Variants in CPXM2 observed in about 807,000 individuals in gnomAD.
CPXM2 encodes carboxypeptidase X, M14 family member 2, also known as inactive carboxypeptidase-like protein X2.
In CPXM2, 66 loss-of-function variants were observed where a neutral mutation model predicts 86.1. The observed-to-expected ratio is 0.77, with a 90% CI of 0.63 to 0.94. CPXM2 has a LOEUF of 0.94. Among genes scored for constraint, CPXM2 ranks in the 40% least tolerant of loss-of-function variants. The probability of loss-of-function intolerance (pLI) is 0.00; values close to 1 mark genes in which losing one functional copy is unlikely to be tolerated. For missense variants in CPXM2, 948 were observed against 1,026.3 expected (o/e 0.92, Z 1.04); for synonymous variants, 388 against 400.2 (o/e 0.97, Z 0.36).
chr10:123,905,745 C>A (rs956775374), intron 2 of CPXM2, among the ~76,000 whole-genome samples: 2 of 152,150 alleles, frequency 1.3e-5, no homozygotes, highest in Admixed American at 6.5e-5. Flanking sequence ...CCCCTCCCAG[C>A]CCTCTTGCCT....
upstream of CPXM2, among the ~76,000 whole-genome samples, chr10:123,894,365 C>G (rs868751891): frequency 6.6e-6 from 1 of 152,228 alleles, no homozygotes; most frequent in Non-Finnish European, 1.5e-5. Context: ...TATTACTGCT[C>G]TCCCTATCAA....
chr10:123,895,076 C>T (rs889347657), upstream of CPXM2, among the ~76,000 whole-genome samples: 3 of 151,346 alleles, frequency 2.0e-5, no homozygotes, highest in African/African-American at 7.3e-5. Flanking sequence ...CCACTTGCCA[C>T]TGGGCAACAA....
chr10:123,866,748 A>G (rs1446936355), intron 2 of CPXM2, among the ~76,000 whole-genome samples: 1 of 152,202 alleles, frequency 6.6e-6, no homozygotes, highest in African/African-American at 2.4e-5. Flanking sequence ...TGTCTGCTGC[A>G]AAAGAATCTC....
At chr10:123,789,677 G>A (rs1237075466) in intron 6 of CPXM2, among the ~76,000 whole-genome samples, 1 of 152,202 alleles carries the variant, frequency 6.6e-6, no homozygotes, top group Non-Finnish European at 1.5e-5. Context: ...GGTGCAATGT[G>A]CAGATGGAGC....
At chr10:123,942,427 G>C (rs554570133), upstream of CPXM2, among the ~76,000 whole-genome samples, 1 of 152,296 alleles carries the variant, frequency 6.6e-6, no homozygotes, top group South Asian at 2.1e-4. Context: ...TGGTAAAGAA[G>C]CCAACGAAAA....
intron 13 of CPXM2, chr10:123,751,483 C>A (rs1477593251): frequency 1.0e-6 from 1 of 984,162 alleles, no homozygotes; most frequent in Non-Finnish European, 1.2e-6. Flanking sequence ...GCCACCCTGA[C>A]ACATCTCCTA....
chr10:123,873,536 T>C (rs986737684), intron 2 of CPXM2, among the ~76,000 whole-genome samples: 14 of 152,336 alleles, frequency 9.2e-5, no homozygotes, highest in Admixed American at 7.8e-4. Flanking sequence ...TGTGTGCGTG[T>C]GTGTTTACAA....
upstream of CPXM2, among the ~76,000 whole-genome samples, chr10:123,941,719 C>T (rs1035851679): frequency 2.1e-4 from 32 of 152,208 alleles, no homozygotes; most frequent in African/African-American, 7.0e-4. Context: ...CTGTGGACCC[C>T]AGAGGACTTT....
upstream of CPXM2, among the ~76,000 whole-genome samples, chr10:123,941,547 A>G (rs1945777095): frequency 6.6e-6 from 1 of 152,266 alleles, no homozygotes; most frequent in Non-Finnish European, 1.5e-5. Flanking sequence ...ATAAAAGGTC[A>G]CATTCAGAGG....
At chr10:123,780,030 T>C (rs977454836) in intron 7 of CPXM2, 137 bp downstream of exon 7, 3 of 619,552 alleles carry the variant, frequency 4.8e-6, no homozygotes, top group Non-Finnish European at 8.8e-6. Flanking sequence ...GCATTTAGTG[T>C]GTCTTCAGCA....
At chr10:123,819,061 T>A (rs1244347660) in intron 4 of CPXM2, among the ~76,000 whole-genome samples, 2 of 139,606 alleles carry the variant, frequency 1.4e-5, no homozygotes, top group East Asian at 3.9e-4. Flanking sequence ...AAACTGGAAG[T>A]TAAAATTGCC....
intron 9 of CPXM2, 40 bp from the exon 10 acceptor site, chr10:123,767,192 G>A: frequency 6.4e-7 from 1 of 1,565,450 alleles, no homozygotes; most frequent in Non-Finnish European, 8.8e-7. Context: ...ACAGGCTGCA[G>A]GACAACGCGG....
chr10:123,870,681 G>A (rs577672739), intron 2 of CPXM2, among the ~76,000 whole-genome samples: 77 of 152,214 alleles, frequency 5.1e-4, no homozygotes, highest in African/African-American at 1.7e-3. Context: ...TTACCTAGTC[G>A]TCCTTGGAAA....
upstream of CPXM2, among the ~76,000 whole-genome samples, chr10:123,940,693 G>C (rs1331498026): frequency 1.3e-5 from 2 of 152,162 alleles, no homozygotes; most frequent in African/African-American, 4.8e-5. Flanking sequence ...TGAGTTGTTG[G>C]AGTGGGTGGA....
chr10:123,813,102 C>T (rs548701913), intron 4 of CPXM2, among the ~76,000 whole-genome samples: 41 of 152,188 alleles, frequency 2.7e-4, no homozygotes, highest in Admixed American at 1.2e-3. Flanking sequence ...GTGAAACAGA[C>T]GTGTGTAAAG....
At chr10:123,879,206 C>A (rs1457969934) in intron 2 of CPXM2, among the ~76,000 whole-genome samples, 1 of 152,138 alleles carries the variant, frequency 6.6e-6, no homozygotes, top group Non-Finnish European at 1.5e-5. Context: ...AAACACTGCC[C>A]CAAATCATTA....
chr10:123,878,116 C>T (rs1049829273), intron 2 of CPXM2, among the ~76,000 whole-genome samples: 14 of 151,950 alleles, frequency 9.2e-5, no homozygotes, highest in African/African-American at 2.9e-4. Context: ...TGAGAATGCC[C>T]GGTTCTGCAT....
intron 2 of CPXM2, among the ~76,000 whole-genome samples, chr10:123,902,815 G>A (rs377191670): frequency 2.0e-5 from 3 of 152,196 alleles, no homozygotes; most frequent in African/African-American, 7.2e-5. Flanking sequence ...GACACAGAGT[G>A]AACACTCAGG....
At chr10:123,813,288 T>C (rs1847734885) in intron 4 of CPXM2, among the ~76,000 whole-genome samples, 1 of 152,224 alleles carries the variant, frequency 6.6e-6, no homozygotes, top group Non-Finnish European at 1.5e-5. Flanking sequence ...TGATCTTACT[T>C]TGTCTAAGAA....
Sources: allele counts gnomAD v4.1 joint callset (sites outside exome capture counted in the v4.1 genomes callset), GRCh38; gene constraint gnomAD v4.1.1; transcripts MANE v1.5; gene names NCBI Gene and HGNC (gene_info 2026-07-23, HGNC 2026-07-21).